The following VAV3 variants were observed in gnomAD, a reference collection of about 807,000 sequenced individuals.
VAV3 encodes vav guanine nucleotide exchange factor 3.
VAV3 carries 94 observed loss-of-function variants against 131.2 expected under a neutral mutation model. The ratio of observed to expected loss-of-function variants is 0.72; its 90% confidence interval spans 0.61 to 0.85. The LOEUF (loss-of-function observed/expected upper bound fraction) is 0.85, where lower values mean the gene tolerates loss of function less well. Ranked by LOEUF, VAV3 falls within the 40% of genes least tolerant of loss-of-function variation. The pLI is 0.00. For missense variants in VAV3, 939 were observed against 1,002.7 expected (o/e 0.94, Z 0.86); for synonymous variants, 349 against 342.0 (o/e 1.02, Z -0.22).
At chr1:107,775,246 T>C (rs1227809431) in intron 4 of VAV3, among the ~76,000 whole-genome samples, 1 of 152,024 alleles carries the variant, frequency 6.6e-6, no homozygotes, top group Admixed American at 6.6e-5. Flanking sequence ...ATGGGGAAGC[T>C]ATAAAAATTT....
At chr1:107,940,431 G>A (rs1335073488) in intron 1 of VAV3, among the ~76,000 whole-genome samples, 2 of 152,188 alleles carry the variant, frequency 1.3e-5, no homozygotes, top group African/African-American at 4.8e-5. Flanking sequence ...CCATGTAATT[G>A]CTTCCAAAGA....
intron 17 of VAV3, among the ~76,000 whole-genome samples, chr1:107,688,811 T>C (rs530588763): frequency 6.6e-6 from 1 of 152,324 alleles, no homozygotes; most frequent in East Asian, 1.9e-4. Context: ...AGGTACTGCA[T>C]TGACGATTTG....
At chr1:107,727,886 TC>T (rs1661948446) in intron 15 of VAV3, among the ~76,000 whole-genome samples, 1 of 152,226 alleles carries the variant, frequency 6.6e-6, no homozygotes, top group Admixed American at 6.5e-5. Context: ...AAGGGGAGTT[TC>T]ATTATAATTG....
At chr1:107,591,249 T>C (rs541024338) in intron 25 of VAV3, among the ~76,000 whole-genome samples, 1 of 152,304 alleles carries the variant, frequency 6.6e-6, no homozygotes, top group African/African-American at 2.4e-5. Flanking sequence ...CTTGCACTTA[T>C]GCTTCAGCTT....
intron 15 of VAV3, among the ~76,000 whole-genome samples, chr1:107,717,154 G>A (rs184087486): frequency 8.1e-4 from 124 of 152,188 alleles, no homozygotes; most frequent in African/African-American, 2.9e-3. Context: ...CTTGCTAGCA[G>A]TCTATCTATT....
intron 25 of VAV3, among the ~76,000 whole-genome samples, chr1:107,593,797 T>C (rs996078692): frequency 2.0e-5 from 3 of 152,122 alleles, no homozygotes; most frequent in Non-Finnish European, 4.4e-5. Context: ...AAGATGTACA[T>C]TGCTATGAGT....
rs869175769 is a variant in VAV3 at position 107,757,187 on chromosome 1, G to GTGTGTGTGTGTGTATA, written c.1086+73_1086+74insTATACACACACACACA. 1.2e-4 allele frequency: 95 copies of GTGTGTGTGTGTGTATA among 814,508 alleles called. No homozygotes were observed. The African/African-American group carries it at 1.4e-3, about 12-fold the overall frequency. 50.5% of individuals were successfully genotyped at this position (814,508 alleles called of 1,614,324 possible). A position where few individuals can be genotyped will look rare whatever the true frequency, so the allele number is the denominator to read the frequency against. ...TGTGTGTGTGTGTGTGTGTGTGTGT[G>GTGTGTGTGTGTGTATA]TATGCAATTTGAATTCCATTGTCTT... On this transcript the variant is annotated intron_variant, in intron 11 of 26. Coordinates refer to ENST00000370056, the MANE Select transcript of VAV3 (RefSeq NM_006113.5).
At chr1:107,623,661 C>T (rs1167619493) in intron 20 of VAV3, among the ~76,000 whole-genome samples, 1 of 152,192 alleles carries the variant, frequency 6.6e-6, no homozygotes, top group East Asian at 1.9e-4. Context: ...ACTTTGAAAA[C>T]TTGCCAAGCC....
chr1:107,660,522 C>T (rs770484079), intron 19 of VAV3, among the ~76,000 whole-genome samples: 1 of 152,174 alleles, frequency 6.6e-6, no homozygotes, highest in Non-Finnish European at 1.5e-5. Context: ...CTTATAGCCT[C>T]CCTGTCTGAC....
intron 2 of VAV3, among the ~76,000 whole-genome samples, chr1:107,854,736 G>C (rs1669389971): frequency 6.6e-6 from 1 of 152,162 alleles, no homozygotes. Flanking sequence ...CTGCCATAGT[G>C]AATCACGAAT....
In VAV3 at chr1:107,603,947, G is replaced by A. The variant is rs115286930; in HGVS notation, c.2016-784C>T. 5.5e-3 allele frequency among the ~76,000 whole-genome samples: 839 copies of A among 152,064 alleles called. 6 individuals carry two copies. Among genetic ancestry groups the A allele is most frequent in the African/African-American group, 0.019 (806 of 41,500 alleles). The stretch of plus-strand genomic sequence containing the variant: ...AGCCTCCCAAGTAGTTGATACCACC[G>A]GTGTGGTTGATATTTTTCAAAACCA... On this transcript the variant is annotated intron_variant, in intron 22 of 26. Coordinates refer to ENST00000370056, the MANE Select transcript of VAV3 (RefSeq NM_006113.5).
In VAV3 at chr1:107,786,352, G is replaced by T. The variant is rs78081220; in HGVS notation, c.322-6860C>A. 3.1e-3 allele frequency among the ~76,000 whole-genome samples: 473 copies of T among 152,276 alleles called. 2 individuals are homozygous for T. Among genetic ancestry groups the T allele is most frequent in the African/African-American group, 0.011 (441 of 41,558 alleles). On this transcript the variant is annotated intron_variant, in intron 2 of 26. Coordinates refer to ENST00000370056, the MANE Select transcript of VAV3 (RefSeq NM_006113.5). ...AAGCCATATACTGGGCTGATTAGAA[G>T]TGCAGGCTCAGAAGTCAGATTTTCT...
intron 17 of VAV3, among the ~76,000 whole-genome samples, chr1:107,694,051 A>G (rs140813786): frequency 3.2e-4 from 49 of 152,334 alleles, no homozygotes; most frequent in Non-Finnish European, 6.5e-4. Context: ...CTGAAGGGCC[A>G]CTGAACTCAC....
intron 22 of VAV3, among the ~76,000 whole-genome samples, chr1:107,604,802 C>T (rs1403675639): frequency 1.3e-5 from 2 of 152,152 alleles, no homozygotes; most frequent in Non-Finnish European, 2.9e-5. Context: ...AGTCCATTCA[C>T]ATTATAATAA....
chr1:107,956,153 G>A (rs1444395296), intron 1 of VAV3, among the ~76,000 whole-genome samples: 2 of 152,230 alleles, frequency 1.3e-5, no homozygotes, highest in Non-Finnish European at 2.9e-5. Context: ...TATGAGCACA[G>A]ATGCAGGAAG....
intron 2 of VAV3, among the ~76,000 whole-genome samples, chr1:107,820,279 T>TA (rs1269206098): frequency 6.6e-6 from 1 of 152,058 alleles, no homozygotes; most frequent in Non-Finnish European, 1.5e-5. Flanking sequence ...TATTCGTCCA[T>TA]AAAAAAATGA....
intron 17 of VAV3, among the ~76,000 whole-genome samples, chr1:107,693,752 G>C (rs898736953): frequency 6.6e-6 from 1 of 152,112 alleles, no homozygotes; most frequent in South Asian, 2.1e-4. Context: ...TGGTACTAAG[G>C]GGTGGACACA....
chr1:107,682,479 A>T lies in VAV3; in HGVS notation c.1777+1009T>A, dbSNP rs554349977. On this transcript the variant is annotated intron_variant, in intron 19 of 26. Transcript: ENST00000370056. ...TCTTGGGAAAGTCAGAACTATTAAA[A>T]AGTAAACCAGAACCCCTGTTTTTTT... Among the ~76,000 whole-genome samples the T allele has an allele frequency of 4.6e-5, 7 of 152,288 alleles. No individual in the cohort carries two copies. The South Asian group carries it at 1.0e-3, about 23-fold the overall frequency.
intron 17 of VAV3, among the ~76,000 whole-genome samples, chr1:107,697,766 TC>T (rs1391805820): frequency 6.6e-6 from 1 of 152,120 alleles, no homozygotes; most frequent in Non-Finnish European, 1.5e-5. Context: ...GTAGGTATGG[TC>T]CCCAGGGATG....
Sources: allele counts gnomAD v4.1 joint callset (sites outside exome capture counted in the v4.1 genomes callset), GRCh38; gene constraint gnomAD v4.1.1; transcripts MANE v1.5; gene names NCBI Gene and HGNC (gene_info 2026-07-23, HGNC 2026-07-21).